MAST2: variants seen among roughly 807,000 people sequenced by gnomAD.
MAST2 encodes microtubule-associated serine/threonine-protein kinase 2.
In MAST2, 70 loss-of-function variants were observed where a neutral mutation model predicts 147.4. The observed-to-expected ratio is 0.47, with a 90% CI of 0.39 to 0.58. The LOEUF (loss-of-function observed/expected upper bound fraction) is 0.58, where lower values mean the gene tolerates loss of function less well. Ranked by LOEUF, MAST2 falls within the 20% of genes least tolerant of loss-of-function variation. The probability of loss-of-function intolerance (pLI) is 0.00; values close to 1 mark genes in which losing one functional copy is unlikely to be tolerated. For synonymous variants in MAST2, 869 were observed against 896.8 expected, an observed-to-expected ratio of 0.97 and a Z score of 0.55; for missense variants, 2,080 against 2,302.3, an observed-to-expected ratio of 0.90 and a Z score of 1.98.
At chr1:45,998,699 G>A (rs1645151879) in intron 6 of MAST2, among the ~76,000 whole-genome samples, 1 of 152,014 alleles carries the variant, frequency 6.6e-6, no homozygotes, top group Non-Finnish European at 1.5e-5. Flanking sequence ...TAATATAGCT[G>A]GAGACCAGGA....
At chr1:45,982,471 A>G (rs559674331) in intron 5 of MAST2, among the ~76,000 whole-genome samples, 1 of 152,322 alleles carries the variant, frequency 6.6e-6, no homozygotes, top group East Asian at 1.9e-4. Context: ...TCATTTAATC[A>G]ATCATGACTA....
intron 16 of MAST2, among the ~76,000 whole-genome samples, chr1:46,027,013 A>G (rs1646441524): frequency 6.6e-6 from 1 of 152,162 alleles, no homozygotes; most frequent in South Asian, 2.1e-4. Flanking sequence ...TCAACAGATA[A>G]CCAAAATTAT....
chr1:46,032,804 G>GAAAC, intron 26 of MAST2, 86 bp downstream of exon 26: 1 of 1,529,030 alleles, frequency 6.5e-7, no homozygotes. Context: ...TGGGTGAGTT[G>GAAAC]GGTGCACACA....
At chr1:45,905,041 GCTCAAGTGATC>G (rs1557888390) in intron 4 of MAST2, among the ~76,000 whole-genome samples, 1 of 151,902 alleles carries the variant, frequency 6.6e-6, no homozygotes, top group Non-Finnish European at 1.5e-5. Context: ...ATACTCCTGA[GCTCAAGTGATC>G]CTCCTGCCTT....
At chr1:45,972,195 A>G (rs1031054478) in intron 5 of MAST2, among the ~76,000 whole-genome samples, 2 of 152,194 alleles carry the variant, frequency 1.3e-5, no homozygotes, top group African/African-American at 4.8e-5. Context: ...AGGACTCAAC[A>G]TTCAGCACAC....
intron 6 of MAST2, among the ~76,000 whole-genome samples, chr1:45,998,246 C>A (rs1645135420): frequency 6.6e-6 from 1 of 152,124 alleles, no homozygotes. Flanking sequence ...GCTCTTTGTG[C>A]CTCTCTCCTT....
rs528429117 is a variant in MAST2, at chr1:46,023,572, C to T, written c.1572-200C>T. On this transcript the variant is annotated intron_variant, in intron 14 of 28. Coordinates refer to ENST00000361297, the MANE Select transcript of MAST2 (RefSeq NM_015112.3). The surrounding 1 kb of genome is among the most constrained non-coding windows in gnomAD (Gnocchi z 4.9). ...CCTGAGCTCTGGGGAAGCATTGAGC[C>T]GTGTCATCAGGACATGGTCTATCAA... 110 of 625,592 alleles carry T rather than the reference C, an allele frequency of 1.8e-4. 2 individuals are homozygous for T. The South Asian group carries it at 1.8e-3, about 10-fold the overall frequency. 38.8% of individuals were successfully genotyped at this position (625,592 alleles called of 1,614,324 possible). A position where few individuals can be genotyped will look rare whatever the true frequency, so the allele number is the denominator to read the frequency against.
intron 4 of MAST2, among the ~76,000 whole-genome samples, chr1:45,939,709 T>G (rs1432150914): frequency 6.6e-6 from 1 of 152,076 alleles, no homozygotes; most frequent in Non-Finnish European, 1.5e-5. Flanking sequence ...CTGGCTAATT[T>G]TTTTGTATTT....
chr1:45,940,760 C>T (rs1417127876), intron 4 of MAST2, among the ~76,000 whole-genome samples: 11 of 151,982 alleles, frequency 7.2e-5, no homozygotes, highest in Non-Finnish European at 2.9e-5. Context: ...GCTGGGACTA[C>T]AGGCACCTGT....
chr1:45,862,711 C>T (rs1318310146), intron 3 of MAST2, among the ~76,000 whole-genome samples: 1 of 152,114 alleles, frequency 6.6e-6, no homozygotes, highest in Non-Finnish European at 1.5e-5. Flanking sequence ...CTCAGATGAT[C>T]CACTTGCCTC....
At chr1:45,936,934 G>A (rs1403393983) in intron 4 of MAST2, among the ~76,000 whole-genome samples, 4 of 151,818 alleles carry the variant, frequency 2.6e-5, no homozygotes, top group African/African-American at 9.7e-5. Flanking sequence ...TTAGAGATGA[G>A]TCCTCTCTTT....
At chr1:46,019,059 C>T (rs1217677695) in intron 10 of MAST2, among the ~76,000 whole-genome samples, 3 of 152,194 alleles carry the variant, frequency 2.0e-5, no homozygotes, top group African/African-American at 7.2e-5. Flanking sequence ...TAGTAACCCA[C>T]GTCTATCCCC....
At chr1:46,012,791 T>G (rs1645768197) in intron 10 of MAST2, among the ~76,000 whole-genome samples, 1 of 151,992 alleles carries the variant, frequency 6.6e-6, no homozygotes, top group African/African-American at 2.4e-5. Context: ...GCCCAGGAGC[T>G]TGAGACCAGC....
At chr1:45,921,896 G>C (rs1398744413) in intron 4 of MAST2, among the ~76,000 whole-genome samples, 1 of 152,204 alleles carries the variant, frequency 6.6e-6, no homozygotes, top group Non-Finnish European at 1.5e-5. Flanking sequence ...TGGGTCCCGA[G>C]TTCTTGTCCT....
chr1:46,002,831 C>T lies in MAST2; in HGVS notation c.695C>T (p.Ala232Val), dbSNP rs1199475797. ...RRTDGRRWSL[A>V]SLPSSGYGTN... The stretch of plus-strand genomic sequence containing the variant: ...ACTGATGGGCGGCGCTGGTCTTTGG[C>T]CTCTTTGCCCTCTTCAGGATATGGA... Residue 232 changes from alanine to valine, a missense_variant, in exon 7 of 29, where the codon GCC (alanine) becomes GTC (valine). By Grantham distance (64) the Ala-to-Val change is moderately conservative. Around this residue, in one of 4 missense-constraint regions of MAST2, gnomAD observed 569 missense variants for 642.5 expected, o/e 0.89. Transcript: ENST00000361297. 1.2e-6 allele frequency: 2 copies of T among 1,614,166 alleles called. No individual in the cohort carries two copies. Among genetic ancestry groups the T allele is most frequent in the South Asian group, 2.2e-5 (2 of 91,076 alleles).
chr1:45,823,799 G>A (rs1191905353), intron 1 of MAST2, among the ~76,000 whole-genome samples: 1 of 152,068 alleles, frequency 6.6e-6, no homozygotes, highest in Non-Finnish European at 1.5e-5. Flanking sequence ...GATTAGGTGG[G>A]TGTTGGCTTA....
chr1:45,938,303 G>A (rs1048164662), intron 4 of MAST2, among the ~76,000 whole-genome samples: 5 of 152,068 alleles, frequency 3.3e-5, no homozygotes, highest in African/African-American at 1.2e-4. Flanking sequence ...AGAGAATTGT[G>A]TTGTATGGTA....
chr1:45,995,132 G>T (rs934668986), intron 5 of MAST2, among the ~76,000 whole-genome samples: 9 of 151,976 alleles, frequency 5.9e-5, no homozygotes, highest in African/African-American at 2.2e-4. Flanking sequence ...GAGCCACCAC[G>T]CCTGGCCCAT....
At chr1:45,957,116 T>A (rs1659765686) in intron 4 of MAST2, among the ~76,000 whole-genome samples, 1 of 152,308 alleles carries the variant, frequency 6.6e-6, no homozygotes, top group East Asian at 1.9e-4. Flanking sequence ...ATTTTTTGAT[T>A]GAATACACCT....
Sources: allele counts gnomAD v4.1 joint callset (sites outside exome capture counted in the v4.1 genomes callset), GRCh38; gene constraint gnomAD v4.1.1; regional missense constraint gnomAD v4.1.1; non-coding constraint Gnocchi (gnomAD v3.1); transcripts MANE v1.5; gene names NCBI Gene and HGNC (gene_info 2026-07-23, HGNC 2026-07-21).